Variants in CNTNAP2 observed in about 807,000 individuals in gnomAD.
CNTNAP2 encodes contactin-associated protein-like 2.
Under a neutral mutation model 155.2 loss-of-function variants are expected in CNTNAP2, and 98 were observed. The ratio of observed to expected loss-of-function variants is 0.63; its 90% CI spans 0.54 to 0.75. The LOEUF (loss-of-function observed/expected upper bound fraction) is 0.75, where lower values mean the gene tolerates loss of function less well. Among genes scored for constraint, CNTNAP2 ranks in the 30% least tolerant of loss-of-function variants. CNTNAP2 has a pLI of 0.00. For synonymous variants in CNTNAP2, 651 were observed against 631.2 expected, an observed-to-expected ratio of 1.03 and a Z score of -0.47; for missense variants, 1,727 against 1,688.1, an observed-to-expected ratio of 1.02 and a Z score of -0.40.
intron 8 of CNTNAP2, among the ~76,000 whole-genome samples, chr7:147,244,462 C>T (rs1804012833): frequency 6.6e-6 from 1 of 152,194 alleles, no homozygotes; most frequent in African/African-American, 2.4e-5. Flanking sequence ...GTAATTTTCT[C>T]TTAATGGCTG....
chr7:147,774,757 G>T (rs573897540), intron 13 of CNTNAP2, among the ~76,000 whole-genome samples: 1 of 152,240 alleles, frequency 6.6e-6, no homozygotes, highest in South Asian at 2.1e-4. Context: ...AGAACTAGAA[G>T]AAATAAATTT....
At chr7:147,001,448 A>C (rs2129241064) in intron 3 of CNTNAP2, among the ~76,000 whole-genome samples, 1 of 152,224 alleles carries the variant, frequency 6.6e-6, no homozygotes, top group Admixed American at 6.6e-5. Flanking sequence ...GAATTTATTC[A>C]AGGTAATAAA....
intron 8 of CNTNAP2, among the ~76,000 whole-genome samples, chr7:147,263,095 C>T (rs534652612): frequency 6.6e-6 from 1 of 152,122 alleles, no homozygotes; most frequent in South Asian, 2.1e-4. Context: ...GCCTCCAATC[C>T]CAGCACTTTG....
At chr7:147,815,535 T>C (rs767804209) in intron 13 of CNTNAP2, among the ~76,000 whole-genome samples, 1 of 152,172 alleles carries the variant, frequency 6.6e-6, no homozygotes, top group Non-Finnish European at 1.5e-5. Context: ...TCCACATCCT[T>C]CTTCTGCTTC....
At chr7:146,759,414 G>C (rs928835460) in intron 1 of CNTNAP2, among the ~76,000 whole-genome samples, 1 of 152,026 alleles carries the variant, frequency 6.6e-6, no homozygotes, top group Non-Finnish European at 1.5e-5. Flanking sequence ...AAATGGTTAG[G>C]CCGGGCACGG....
chr7:147,284,146 T>C (rs761800268), intron 8 of CNTNAP2, among the ~76,000 whole-genome samples: 4 of 151,848 alleles, frequency 2.6e-5, no homozygotes, highest in African/African-American at 9.7e-5. Context: ...TTTATTTTAA[T>C]GTGCCCTAAA....
intron 1 of CNTNAP2, among the ~76,000 whole-genome samples, chr7:146,378,854 G>A (rs144810082): frequency 6.6e-6 from 1 of 152,208 alleles, no homozygotes; most frequent in Middle Eastern, 3.2e-3. Context: ...ATTTGCTGAA[G>A]CAAAGTAATC....
intron 1 of CNTNAP2, among the ~76,000 whole-genome samples, chr7:146,376,775 T>G (rs1163846972): frequency 6.6e-6 from 1 of 152,140 alleles, no homozygotes; most frequent in Non-Finnish European, 1.5e-5. Flanking sequence ...GGAGTGATTA[T>G]GTCATGAAGG....
At chr7:147,557,471 G>A (rs1799973808) in intron 11 of CNTNAP2, among the ~76,000 whole-genome samples, 1 of 152,062 alleles carries the variant, frequency 6.6e-6, no homozygotes. Flanking sequence ...TATTTATTTT[G>A]CCATCAACCC....
chr7:148,219,292 T>A (rs1309213257), intron 19 of CNTNAP2, among the ~76,000 whole-genome samples: 1 of 152,130 alleles, frequency 6.6e-6, no homozygotes, highest in African/African-American at 2.4e-5. Flanking sequence ...CAGGAACAAA[T>A]CTCTCTAACT....
intron 14 of CNTNAP2, among the ~76,000 whole-genome samples, chr7:147,917,235 G>A (rs1225536599): frequency 6.6e-6 from 1 of 152,168 alleles, no homozygotes; most frequent in Non-Finnish European, 1.5e-5. Flanking sequence ...AAAGTCTCTG[G>A]AGATTATTTT....
chr7:146,246,246 C>G (rs1171014232), intron 1 of CNTNAP2, among the ~76,000 whole-genome samples: 1 of 149,922 alleles, frequency 6.7e-6, no homozygotes, highest in African/African-American at 2.5e-5. Context: ...TGGGGTAATA[C>G]AAGAGGAGGA....
At chr7:146,471,425 G>A (rs945608372) in intron 1 of CNTNAP2, among the ~76,000 whole-genome samples, 1 of 152,170 alleles carries the variant, frequency 6.6e-6, no homozygotes, top group Non-Finnish European at 1.5e-5. Context: ...ATGCTATAAG[G>A]CATCTCAGCT....
chr7:146,776,053 A>G (rs1275739229), intron 2 of CNTNAP2, among the ~76,000 whole-genome samples: 3 of 152,184 alleles, frequency 2.0e-5, no homozygotes, highest in African/African-American at 7.2e-5. Flanking sequence ...TCTCTCTCAT[A>G]AAAGTCATTG....
At chr7:147,329,775 T>C (rs991361428) in intron 9 of CNTNAP2, among the ~76,000 whole-genome samples, 4 of 151,912 alleles carry the variant, frequency 2.6e-5, no homozygotes, top group African/African-American at 4.8e-5. Context: ...TTATAGTTCT[T>C]AATTTATGCT....
intron 16 of CNTNAP2, among the ~76,000 whole-genome samples, chr7:148,126,756 G>A (rs781137153): frequency 2.0e-5 from 3 of 152,058 alleles, no homozygotes; most frequent in Non-Finnish European, 2.9e-5. Context: ...ACGGGGAGAG[G>A]ACGAGTCACA....
At chr7:147,135,798 C>T (rs1320002590) in intron 8 of CNTNAP2, among the ~76,000 whole-genome samples, 1 of 148,906 alleles carries the variant, frequency 6.7e-6, no homozygotes, top group Admixed American at 6.7e-5. Flanking sequence ...AAAAAAAAGC[C>T]ATAACCCACT....
chr7:148,366,825 CAA>C (rs753228339), intron 21 of CNTNAP2, among the ~76,000 whole-genome samples: 1 of 146,106 alleles, frequency 6.8e-6, no homozygotes. Context: ...AAAATGACCC[CAA>C]AAAAAAAAGG....
chr7:147,247,287 G>T (rs891169804), intron 8 of CNTNAP2, among the ~76,000 whole-genome samples: 69 of 152,114 alleles, frequency 4.5e-4, no homozygotes, highest in African/African-American at 1.6e-3. Flanking sequence ...CTGTTTGCAG[G>T]TCTGCTAAAC....
Sources: gnomAD v4.1 joint callset for allele counts (sites outside exome capture counted in the v4.1 genomes callset) on GRCh38, gnomAD v4.1.1 for gene constraint, MANE v1.5 for transcripts, NCBI Gene and HGNC (gene_info 2026-07-23, HGNC 2026-07-21) for gene names.